The following USP34 variants were observed in gnomAD, a reference collection of about 807,000 sequenced individuals.
USP34 encodes the protein ubiquitin specific peptidase 34, also known as ubiquitin carboxyl-terminal hydrolase 34.
USP34 carries 70 observed loss-of-function variants against 460.3 expected under a neutral mutation model. That is an observed-to-expected ratio of 0.15 (90% CI 0.13 to 0.19). The LOEUF (loss-of-function observed/expected upper bound fraction) is 0.19. Ranked by LOEUF, USP34 falls within the 10% of genes least tolerant of loss-of-function variation. USP34 has a pLI of 1.00. For missense variants in USP34, 3,985 were observed against 4,236.2 expected, an observed-to-expected ratio of 0.94 and a Z score of 1.65; for synonymous variants, 1,647 against 1,405.3, an observed-to-expected ratio of 1.17 and a Z score of -3.85.
chr2:61,275,321 G>T (rs1689339282), intron 41 of USP34, among the ~76,000 whole-genome samples: 1 of 152,054 alleles, frequency 6.6e-6, no homozygotes, highest in East Asian at 1.9e-4. Flanking sequence ...TTTACAAAAT[G>T]AATAGCCAAG....
At chr2:61,401,371 G>A (rs971812239) in intron 3 of USP34, among the ~76,000 whole-genome samples, 5 of 151,612 alleles carry the variant, frequency 3.3e-5, no homozygotes, top group Non-Finnish European at 7.4e-5. Context: ...CCAAGTAGCT[G>A]GGACTACAGG....
rs187713300 is a variant in USP34, at chr2:61,438,387, C to T, written c.44-17554G>A. ...CAGCACTTTGGGAGGCCAAGGCAGG[C>T]GGATCACTTGAGGTCAGGAGTTCGA... On this transcript the variant is annotated intron_variant, in intron 1 of 79. Coordinates refer to ENST00000398571, the MANE Select transcript of USP34 (RefSeq NM_014709.4). Among the ~76,000 whole-genome samples, 8 of 152,064 alleles carry T rather than the reference C, an allele frequency of 5.3e-5. No individual in the cohort carries two copies. In the East Asian group the frequency reaches 9.7e-4, roughly 18 times the overall value.
At chr2:61,249,131 A>G (rs1422403782) in intron 48 of USP34, among the ~76,000 whole-genome samples, 2 of 152,238 alleles carry the variant, frequency 1.3e-5, no homozygotes, top group Admixed American at 6.5e-5. Flanking sequence ...ACTGTTCACA[A>G]TTTTACAGAT....
intron 2 of USP34, among the ~76,000 whole-genome samples, chr2:61,416,617 C>A (rs1037535568): frequency 2.0e-5 from 3 of 152,142 alleles, no homozygotes; most frequent in Admixed American, 6.6e-5. Flanking sequence ...TCTGTGGTAT[C>A]GGTGCTTGTC....
intron 67 of USP34, among the ~76,000 whole-genome samples, chr2:61,216,780 T>C (rs1009557286): frequency 7.9e-5 from 12 of 151,926 alleles, no homozygotes; most frequent in African/African-American, 2.2e-4. Context: ...TAGCTGGGTG[T>C]GGTGGCGGGT....
intron 1 of USP34, among the ~76,000 whole-genome samples, chr2:61,443,521 A>T (rs1695027112): frequency 6.6e-6 from 1 of 152,216 alleles, no homozygotes; most frequent in Non-Finnish European, 1.5e-5. Flanking sequence ...CAAGACATGA[A>T]AATACATAAA....
At position 61,232,469 on chromosome 2, in the gene USP34, T is replaced by G; in HGVS notation, c.7096A>C (p.Asn2366His). 1 of 1,609,502 alleles carries G rather than the reference T, an allele frequency of 6.2e-7. No homozygotes were observed. Among genetic ancestry groups the G allele is most frequent in the Non-Finnish European group, 8.5e-7 (1 of 1,178,896 alleles). The change falls in exon 58 of 80, where the codon AAT becomes CAT. Residue 2366 changes from asparagine to histidine, a missense_variant. By Grantham distance (68) the Asn-to-His change is moderately conservative. Around this residue, in one of 14 missense-constraint regions of USP34, gnomAD observed 604 missense variants for 684.8 expected, o/e 0.88. Transcript: ENST00000398571. The part of the protein sequence containing the change: ...WPMQILIKCP[N>H]QIVRQMFQRL... ...TTCCTTACCTGTCTCACAATTTGAT[T>G]AGGGCACTTAATTAGTATCTGCATT...
intron 75 of USP34, among the ~76,000 whole-genome samples, chr2:61,197,964 T>C (rs962485454): frequency 1.3e-5 from 2 of 152,176 alleles, no homozygotes; most frequent in Non-Finnish European, 2.9e-5. Flanking sequence ...TTTCACCATG[T>C]TGGCCAGGAT....
intron 78 of USP34, chr2:61,189,981 A>T (rs930500689): frequency 7.6e-5 from 21 of 274,804 alleles, no homozygotes; most frequent in Non-Finnish European, 1.1e-4. Context: ...TAGAAACATC[A>T]CAAGTATTGT....
chr2:61,440,408 A>G (rs1694930206), intron 1 of USP34, among the ~76,000 whole-genome samples: 1 of 152,136 alleles, frequency 6.6e-6, no homozygotes, highest in African/African-American at 2.4e-5. Flanking sequence ...AGCTGCAAAC[A>G]GTGATTGCGG....
At chr2:61,300,477 G>A (rs980859656) in intron 29 of USP34, among the ~76,000 whole-genome samples, 2 of 142,784 alleles carry the variant, frequency 1.4e-5, no homozygotes, top group African/African-American at 2.5e-5. Flanking sequence ...GTGAGCCACC[G>A]CCCCGGCCCA....
At chr2:61,369,753 A>C (rs1692555324) in intron 10 of USP34, among the ~76,000 whole-genome samples, 1 of 151,362 alleles carries the variant, frequency 6.6e-6, no homozygotes, top group Non-Finnish European at 1.5e-5. Context: ...CTCCAGAATA[A>C]ATTAAGAAAG....
intron 29 of USP34, 77 bp downstream of exon 29, chr2:61,300,874 A>T: frequency 1.0e-6 from 1 of 993,842 alleles, no homozygotes; most frequent in Non-Finnish European, 1.5e-6. Context: ...CGTTTTATAA[A>T]CTATACTTTT....
At chr2:61,190,207 A>C in intron 78 of USP34, 64 bp downstream of exon 78, 1 of 1,520,962 alleles carries the variant, frequency 6.6e-7, no homozygotes, top group Non-Finnish European at 8.8e-7. Flanking sequence ...AATCATATGA[A>C]GGCCACACAG....
intron 48 of USP34, among the ~76,000 whole-genome samples, chr2:61,251,759 G>A (rs1688588355): frequency 6.6e-6 from 1 of 152,124 alleles, no homozygotes; most frequent in African/African-American, 2.4e-5. Context: ...AAATCCATCA[G>A]ATTACTGTAT....
At position 61,280,303 on chromosome 2, in the gene USP34, C is replaced by A; in HGVS notation, c.5197G>T (p.Glu1733Ter). The change falls in exon 39 of 80, where the codon GAG (glutamate) becomes TAG (stop). Residue 1733 changes from glutamate (E) to a stop codon, truncating the protein, a stop_gained. Coordinates refer to ENST00000398571, the MANE Select transcript of USP34 (RefSeq NM_014709.4). LOFTEE classifies it high-confidence loss of function. The stretch of plus-strand genomic sequence containing the variant: ...AATTTGCATAACAACCAAAAATACT[C>A]TTTACATCCTGGTTTTAATATTGGT... ...EEPILKPGCK[E>*]YFWLLCKLVD... 6.4e-7 allele frequency: 1 copy of A among 1,556,286 alleles called. No homozygotes were observed. Among genetic ancestry groups the A allele is most frequent in the Non-Finnish European group, 8.7e-7 (1 of 1,153,190 alleles).
intron 5 of USP34, among the ~76,000 whole-genome samples, chr2:61,389,983 A>C (rs1381095145): frequency 6.6e-6 from 1 of 152,190 alleles, no homozygotes; most frequent in Non-Finnish European, 1.5e-5. Context: ...CCTATCTAGT[A>C]AAGAGATATC....
chr2:61,413,379 G>A (rs2103954521), intron 2 of USP34, among the ~76,000 whole-genome samples: 1 of 151,746 alleles, frequency 6.6e-6, no homozygotes, highest in Non-Finnish European at 1.5e-5. Context: ...AATACAGTGA[G>A]ACTCAGTCTC....
At position 61,188,454 on chromosome 2, in the gene USP34, A is replaced by T. The variant is rs370358517; in HGVS notation, c.10289T>A (p.Ile3430Asn). 6.2e-7 allele frequency: 1 copy of T among 1,614,066 alleles called. No individual in the cohort carries two copies. The highest frequency in any genetic ancestry group is 1.7e-5 in the Admixed American group (1 of 60,002). Residue 3430 changes from isoleucine to asparagine, a missense_variant, in exon 80 of 80, where the codon ATC (isoleucine) becomes AAC (asparagine). Ile to Asn is a moderately radical substitution (Grantham distance 149). Transcript: ENST00000398571. The stretch of plus-strand genomic sequence containing the variant: ...CTGTTCTTCTGCATGCTGTGACCTG[A>T]TATTTGACATGTCTTCTGAAAACGA... ...PSSFSEDMSN[I>N]RSQHAEEQSN...
Sources: allele counts gnomAD v4.1 joint callset (sites outside exome capture counted in the v4.1 genomes callset), GRCh38; gene constraint gnomAD v4.1.1; regional missense constraint gnomAD v4.1.1; transcripts MANE v1.5; gene names NCBI Gene and HGNC (gene_info 2026-07-23, HGNC 2026-07-21).